The following CHRDL1 variants were observed in gnomAD, a reference collection of about 807,000 sequenced individuals.
The protein encoded by CHRDL1 is chordin-like protein 1.
A neutral mutation model predicts 40.9 loss-of-function variants in CHRDL1; 19 were observed. The observed-to-expected ratio is 0.46, with a 90% CI of 0.32 to 0.68. The LOEUF is 0.68. Ranked by LOEUF, CHRDL1 falls within the 30% of genes least tolerant of loss-of-function variation. CHRDL1 has a pLI of 0.03. For synonymous variants in CHRDL1, 136 were observed against 123.4 expected, an observed-to-expected ratio of 1.10 and a Z score of -0.68; for missense variants, 329 against 352.1, an observed-to-expected ratio of 0.93 and a Z score of 0.53.
At chrX:110,752,396 C>A (rs1244041920) in intron 4 of CHRDL1, among the ~76,000 whole-genome samples, 1 of 111,755 alleles carries the variant, frequency 8.9e-6, no homozygotes, top group African/African-American at 3.3e-5. Flanking sequence ...AAGGTTTTAA[C>A]CCCTTGTACT....
At chrX:110,792,051 TA>T in intron 2 of CHRDL1, 36 bp downstream of exon 2, 1 of 857,203 alleles carries the variant, frequency 1.2e-6, no homozygotes, top group Non-Finnish European at 1.7e-6. Context: ...AAAGAAATTA[TA>T]AAAAGTGTAT....
chrX:110,787,398 A>G (rs1048201930), intron 2 of CHRDL1, among the ~76,000 whole-genome samples: 1 of 111,898 alleles, frequency 8.9e-6, no homozygotes, highest in Non-Finnish European at 1.9e-5. Context: ...CCCCCTCACC[A>G]AAATAAAAAA....
At chrX:110,697,865 C>T (rs909756513) in intron 7 of CHRDL1, among the ~76,000 whole-genome samples, 1 of 105,494 alleles carries the variant, frequency 9.5e-6, no homozygotes, top group African/African-American at 3.6e-5. Flanking sequence ...CACACACACA[C>T]ACACACACAC....
intron 6 of CHRDL1, among the ~76,000 whole-genome samples, chrX:110,714,680 C>T (rs2070809514): frequency 9.0e-6 from 1 of 111,527 alleles, no homozygotes; most frequent in Admixed American, 9.6e-5. Flanking sequence ...ATTCAATCCG[C>T]GTCTAGGATT....
Position 110,675,132 on chromosome X carries a change from T to C in CHRDL1, c.*1099A>G, listed in dbSNP as rs1214533542. ...TTTGCAAAGTAAAAATCAACTCCTA[T>C]AATTGGAGAAGAAGGAAAACTTCCC... On this transcript the variant is annotated 3_prime_UTR_variant, in exon 12 of 12. Coordinates refer to ENST00000372042, the MANE Select transcript of CHRDL1 (RefSeq NM_001143981.2). 8.9e-6 allele frequency: 1 copy of C among 111,884 alleles called. No individual in the cohort carries two copies. The highest frequency in any genetic ancestry group is 9.5e-5 in the Admixed American group (1 of 10,542). The allele number at this position is 111,884 out of a possible 1,213,427, so 9.2% of individuals were successfully genotyped here. A position where few individuals can be genotyped will look rare whatever the true frequency, so the allele number is the denominator to read the frequency against.
chrX:110,685,413 C>A (rs2069988033), intron 9 of CHRDL1, among the ~76,000 whole-genome samples: 1 of 111,275 alleles, frequency 9.0e-6, no homozygotes, highest in Non-Finnish European at 1.9e-5. Flanking sequence ...TGGGCACATG[C>A]CACCACACCT....
At chrX:110,761,741 T>C (rs2089567355) in intron 3 of CHRDL1, among the ~76,000 whole-genome samples, 2 of 112,511 alleles carry the variant, frequency 1.8e-5, no homozygotes, top group South Asian at 7.4e-4. Flanking sequence ...TAACATATAA[T>C]GGCAGAGGTT....
At chrX:110,764,917 T>C (rs772422268) in intron 2 of CHRDL1, among the ~76,000 whole-genome samples, 1 of 110,977 alleles carries the variant, frequency 9.0e-6, no homozygotes, top group Non-Finnish European at 1.9e-5. Flanking sequence ...TCTGGGAAAT[T>C]TGAGGTCACA....
chrX:110,767,957 T>C (rs996046358), intron 2 of CHRDL1, among the ~76,000 whole-genome samples: 1 of 112,106 alleles, frequency 8.9e-6, no homozygotes, highest in Non-Finnish European at 1.9e-5. Context: ...TCTGGAAGCA[T>C]CACGCTACCT....
chrX:110,689,598 ATATATATCTATATATC>A lies in CHRDL1; in HGVS notation c.779-811_779-796del, dbSNP rs1384469830. ...TATATATCTATATATCTATATATCT[ATATATATCTATATATC>A]TATATATCTATATATCTATATATCT... On this transcript the variant is annotated intron_variant, in intron 8 of 11. Transcript: ENST00000372042. 3.0e-3 allele frequency among the ~76,000 whole-genome samples: 54 copies of A among 18,246 alleles called. 1 individual carries two copies. Among genetic ancestry groups the A allele is most frequent in the East Asian group, 6.9e-3 (9 of 1,301 alleles). 15.8% of individuals were successfully genotyped at this position (18,246 alleles called of 115,157 possible). A position where few individuals can be genotyped will look rare whatever the true frequency, so the allele number is the denominator to read the frequency against.
intron 2 of CHRDL1, among the ~76,000 whole-genome samples, chrX:110,784,447 T>C (rs920768026): frequency 9.0e-6 from 1 of 111,513 alleles, no homozygotes; most frequent in Non-Finnish European, 1.9e-5. Context: ...AGTCTTGCTC[T>C]GTCACCCAGG....
intron 11 of CHRDL1, among the ~76,000 whole-genome samples, chrX:110,677,996 T>C (rs2069814623): frequency 9.0e-6 from 1 of 111,664 alleles, no homozygotes; most frequent in Non-Finnish European, 1.9e-5. Context: ...TCCCGTCTCA[T>C]TGATTTAATA....
At chrX:110,692,305 A>G (rs1178080454) in intron 8 of CHRDL1, among the ~76,000 whole-genome samples, 2 of 111,685 alleles carry the variant, frequency 1.8e-5, no homozygotes, top group Non-Finnish European at 3.8e-5. Context: ...AATTATCGAG[A>G]TGATTTTGAA....
At chrX:110,730,377 A>T (rs1043468839) in intron 4 of CHRDL1, among the ~76,000 whole-genome samples, 4 of 110,868 alleles carry the variant, frequency 3.6e-5, no homozygotes, top group African/African-American at 1.3e-4. Flanking sequence ...GAAGACCGTC[A>T]GGTGTGATTT....
chrX:110,708,076 A>G (rs1323730673), intron 6 of CHRDL1, among the ~76,000 whole-genome samples: 1 of 111,531 alleles, frequency 9.0e-6, no homozygotes, highest in Non-Finnish European at 1.9e-5. Context: ...GAGAAGTGCA[A>G]ATCAAAACCA....
intron 8 of CHRDL1, among the ~76,000 whole-genome samples, chrX:110,689,853 A>ATATATATC: frequency 1.5e-4 from 1 of 6,799 alleles, no homozygotes; most frequent in East Asian, 1.1e-3. Flanking sequence ...CTATATATCT[A>ATATATATC]TATATATCTA....
At chrX:110,773,070 C>T (rs1006338982) in intron 2 of CHRDL1, among the ~76,000 whole-genome samples, 4 of 112,365 alleles carry the variant, frequency 3.6e-5, no homozygotes, top group Non-Finnish European at 7.5e-5. Flanking sequence ...CTTATTCATT[C>T]TATCTAACTG....
At chrX:110,713,130 G>T (rs1335344423) in intron 6 of CHRDL1, among the ~76,000 whole-genome samples, 2 of 111,178 alleles carry the variant, frequency 1.8e-5, no homozygotes, top group Non-Finnish European at 3.8e-5. Context: ...GACAGTCTCA[G>T]AAGTCTTCCT....
At chrX:110,727,501 C>T (rs1402001863) in intron 4 of CHRDL1, among the ~76,000 whole-genome samples, 2 of 111,920 alleles carry the variant, frequency 1.8e-5, no homozygotes, top group African/African-American at 6.5e-5. Flanking sequence ...CTATTTGTCC[C>T]TAATATATAA....
Sources: gnomAD v4.1 joint callset for allele counts (sites outside exome capture counted in the v4.1 genomes callset) on GRCh38, gnomAD v4.1.1 for gene constraint, MANE v1.5 for transcripts, NCBI Gene and HGNC (gene_info 2026-07-23, HGNC 2026-07-21) for gene names.